The following DNM2 variants were observed in gnomAD, a reference collection of about 807,000 sequenced individuals.
The protein encoded by DNM2 is dynamin-2.
DNM2 carries 15 observed loss-of-function variants against 99.0 expected under a neutral mutation model. The observed-to-expected ratio is 0.15, with a 90% CI of 0.10 to 0.23. DNM2 has a LOEUF of 0.23. DNM2 is among the 10% of genes least tolerant of loss of function. The pLI is 1.00. For missense variants in DNM2, 742 were observed against 1,189.4 expected (o/e 0.62, Z 5.53); for synonymous variants, 525 against 481.2 (o/e 1.09, Z -1.19).
rs780027905 is a variant in DNM2 at position 10,817,522 on chromosome 19, C to T, written c.1672-2458C>T. 6.8e-6 allele frequency: 3 copies of T among 441,014 alleles called. No individual in the cohort carries two copies. Among genetic ancestry groups the T allele is most frequent in the Admixed American group, 5.5e-5 (2 of 36,280 alleles). 27.3% of individuals were successfully genotyped at this position (441,014 alleles called of 1,614,324 possible). A position where few individuals can be genotyped will look rare whatever the true frequency, so the allele number is the denominator to read the frequency against. ...GGGGCCGGCTATCCATCCTGCAGAA[C>T]CCCCCAGGCAGACGCTGGGGCCACC... On this transcript the variant is annotated intron_variant, in intron 15 of 20. Transcript: ENST00000389253. This position sits in a 1 kb window ranked among gnomAD's most constrained non-coding sequence, Gnocchi z 4.6.
At chr19:10,776,607 G>A (rs1307781732) in intron 4 of DNM2, among the ~76,000 whole-genome samples, 1 of 152,236 alleles carries the variant, frequency 6.6e-6, no homozygotes, top group African/African-American at 2.4e-5. Flanking sequence ...CTGCAGAGGT[G>A]AGACTTTGCT....
chr19:10,774,728 C>CTTTTTTTTTTTTTTTTTT (rs34413054), intron 3 of DNM2, among the ~76,000 whole-genome samples: 1 of 121,458 alleles, frequency 8.2e-6, no homozygotes, highest in African/African-American at 3.2e-5. Context: ...TTGGCCTATG[C>CTTTTTTTTTTTTTTTTTT]TTTTTTTTTT....
intron 8 of DNM2, 57 bp downstream of exon 8, chr19:10,793,912 C>A: frequency 6.2e-7 from 1 of 1,613,424 alleles, no homozygotes; most frequent in South Asian, 1.1e-5. Context: ...TCCTGCTGGC[C>A]TCAAGCCAGG....
chr19:10,798,581 C>T lies in DNM2; in HGVS notation c.1422+9C>T, dbSNP rs199952853. ...GGAGAACGAAGGACCAGGTACTGGC[C>T]TTTTGTCTTCTTTATTGGGTATAAT... is the stretch of plus-strand genomic sequence containing the variant. On this transcript the variant is annotated intron_variant, in intron 11 of 20. Coordinates refer to ENST00000389253, the MANE Select transcript of DNM2 (RefSeq NM_001005361.3). The T allele has an allele frequency of 1.6e-4, 264 of 1,614,022 alleles. No individual in the cohort carries two copies. The highest frequency in any genetic ancestry group is 2.0e-4 in the Non-Finnish European group (233 of 1,179,986).
intron 3 of DNM2, among the ~76,000 whole-genome samples, chr19:10,774,448 T>C (rs2071082727): frequency 6.6e-6 from 1 of 152,240 alleles, no homozygotes; most frequent in Admixed American, 6.5e-5. Flanking sequence ...TTTTTTGAGA[T>C]GGAGTTTCAC....
intron 1 of DNM2, among the ~76,000 whole-genome samples, chr19:10,726,271 G>GT (rs1017117339): frequency 1.3e-5 from 2 of 151,398 alleles, no homozygotes; most frequent in Non-Finnish European, 2.9e-5. Context: ...TTGTTGCTCA[G>GT]TTTGGTGTCA....
chr19:10,720,205 T>C (rs1183784957), intron 1 of DNM2, among the ~76,000 whole-genome samples: 1 of 145,270 alleles, frequency 6.9e-6, no homozygotes, highest in African/African-American at 2.7e-5. Context: ...TTTTATTTTA[T>C]TTATTTATTT....
intron 1 of DNM2, among the ~76,000 whole-genome samples, chr19:10,742,687 G>A (rs1352856777): frequency 1.3e-5 from 2 of 152,114 alleles, no homozygotes; most frequent in African/African-American, 2.4e-5. Flanking sequence ...TGTGGTGACC[G>A]GGATGGTGCC....
At position 10,829,157 on chromosome 19, in the gene DNM2, A is replaced by G. The variant is rs1334633159; in HGVS notation, c.2180A>G (p.His727Arg). The change falls in exon 19 of 21, where the codon CAT becomes CGT. Residue 727 changes from histidine (H) to arginine (R), a missense_variant. By Grantham distance (29) the His-to-Arg change is conservative (BLOSUM62 0). This residue lies in a region of DNM2 where 187 missense variants were observed against 218.8 expected (regional missense o/e 0.85). Coordinates refer to ENST00000389253, the MANE Select transcript of DNM2 (RefSeq NM_001005361.3). ...QRRDDMLRMY[H>R]ALKEALNIIG... ...CGGGACGACATGCTGCGCATGTACC[A>G]TGCCCTCAAGGAGGCGCTCAACATC... is the stretch of plus-strand genomic sequence containing the variant. The G allele has an allele frequency of 1.9e-6, 3 of 1,613,906 alleles. No homozygotes were observed. Among genetic ancestry groups the G allele is most frequent in the Non-Finnish European group, 2.5e-6 (3 of 1,180,044 alleles).
chr19:10,732,040 C>T (rs368338587), intron 1 of DNM2, among the ~76,000 whole-genome samples: 50 of 151,158 alleles, frequency 3.3e-4, no homozygotes, highest in Middle Eastern at 3.4e-3. Flanking sequence ...CTGCAACCTC[C>T]GCCTCCCAGG....
chr19:10,781,474 AC>A (rs60836963), intron 5 of DNM2: 142,984 of 152,354 alleles, frequency 0.94, 67,329 homozygotes, highest in East Asian at 1. Flanking sequence ...AACATGCACA[AC>A]CCCACTACAA....
At chr19:10,776,974 G>A in intron 4 of DNM2, 144 bp from the exon 5 acceptor site, 1 of 752,676 alleles carries the variant, frequency 1.3e-6, no homozygotes, top group Admixed American at 2.0e-5. Flanking sequence ...CGGAAACTGG[G>A]GTCCAGGCCT....
At chr19:10,791,053 ACCACGCCTGG>A (rs2071737827) in intron 7 of DNM2, among the ~76,000 whole-genome samples, 1 of 151,736 alleles carries the variant, frequency 6.6e-6, no homozygotes, top group Admixed American at 6.6e-5. Flanking sequence ...GACGTGAACC[ACCACGCCTGG>A]CCTTGTTTTT....
At position 10,829,248 on chromosome 19, in the gene DNM2, C is replaced by G. The variant is rs749699725; in HGVS notation, c.2271C>G (p.Leu757=). 1 of 1,613,580 alleles carries G rather than the reference C, an allele frequency of 6.2e-7. No homozygotes were observed. Among genetic ancestry groups the G allele is most frequent in the Non-Finnish European group, 8.5e-7 (1 of 1,180,004 alleles). The change falls in exon 19 of 21, where the codon CTC becomes CTG. Residue 757 remains leucine, a synonymous_variant. Transcript: ENST00000389253. ...CCCCGCCTGTCGATGACACCTGGCTCCAGAGCGCCAGCAGCCACAGGTCCG... is the reference window on the plus strand; with the variant it reads ...CCCCGCCTGTCGATGACACCTGGCTGCAGAGCGCCAGCAGCCACAGGTCCG... ...PVPPPVDDTW[L]QSASSHSPTP...
chr19:10,798,402 T>G, intron 10 of DNM2, 84 bp from the exon 11 acceptor site: 4 of 941,574 alleles, frequency 4.2e-6, no homozygotes, highest in East Asian at 2.7e-5. Context: ...CCCACCCCCC[T>G]CCGCATTTTC....
At position 10,740,045 on chromosome 19, in the gene DNM2, G is replaced by T. The variant is rs559258202; in HGVS notation, c.162-19693G>T. Among the ~76,000 whole-genome samples the T allele has an allele frequency of 3.3e-5, 5 of 151,646 alleles. No homozygotes were observed. In the South Asian group the frequency reaches 6.3e-4, roughly 19 times the overall value. On this transcript the variant is annotated intron_variant, in intron 1 of 20. Transcript: ENST00000389253. ...CTAGGAATTTGTCCATTTCATCTAG[G>T]GTGTATTTAATTTGTTAGAATAGTA...
intron 19 of DNM2, 58 bp downstream of exon 19, chr19:10,829,326 C>G: frequency 1.9e-6 from 3 of 1,583,714 alleles, no homozygotes; most frequent in Non-Finnish European, 2.6e-6. Flanking sequence ...CCTGCCCTCC[C>G]TGTGTGTCCT....
chr19:10,758,343 TTCCTTCCCTCCCTCCTTCCTTCCCTCCC>T (rs2070479729), intron 1 of DNM2, among the ~76,000 whole-genome samples: 1 of 7,168 alleles, frequency 1.4e-4, no homozygotes, highest in African/African-American at 4.8e-4. Flanking sequence ...CCTTCCCTCC[TTCCTTCCCTCCCTCCTTCCTTCCCTCCC>T]TCCTTCCCTC....
intron 15 of DNM2, among the ~76,000 whole-genome samples, chr19:10,819,770 A>G (rs530550381): frequency 1.3e-5 from 2 of 152,304 alleles, no homozygotes; most frequent in East Asian, 3.9e-4. Flanking sequence ...GTAGGAACCC[A>G]GGTGGGATAC....
Sources: gnomAD v4.1 joint callset for allele counts (sites outside exome capture counted in the v4.1 genomes callset) on GRCh38, gnomAD v4.1.1 for gene constraint, gnomAD v4.1.1 regional missense constraint, Gnocchi (gnomAD v3.1) non-coding constraint, MANE v1.5 for transcripts, NCBI Gene and HGNC (gene_info 2026-07-23, HGNC 2026-07-21) for gene names.